Variants in TET3 observed in about 807,000 individuals in gnomAD.
TET3 encodes tet methylcytosine dioxygenase 3.
In TET3, 19 loss-of-function variants were observed where a neutral mutation model predicts 141.4. That is an observed-to-expected ratio of 0.13 (90% confidence interval 0.09 to 0.20). The LOEUF is 0.20. Ranked by LOEUF, TET3 falls within the 10% of genes least tolerant of loss-of-function variation. The probability of loss-of-function intolerance (pLI) is 1.00; values close to 1 mark genes in which losing one functional copy is unlikely to be tolerated. For missense variants in TET3, 1,874 were observed against 2,356.9 expected, an observed-to-expected ratio of 0.80 and a Z score of 4.24; for synonymous variants, 1,043 against 980.9, an observed-to-expected ratio of 1.06 and a Z score of -1.18.
chr2:74,071,413 C>T (rs1322124711), intron 4 of TET3, among the ~76,000 whole-genome samples: 1 of 152,186 alleles, frequency 6.6e-6, no homozygotes, highest in Non-Finnish European at 1.5e-5. Flanking sequence ...AAGATTTCGC[C>T]TAAGGATCAG....
chr2:74,131,400 T>C, the TET3 span, among the ~76,000 whole-genome samples: 1 of 152,168 alleles, frequency 6.6e-6, no homozygotes. Context: ...CCGCGGGTCA[T>C]TCACTCACCT....
At chr2:74,074,946 A>G (rs571134453) in intron 5 of TET3, among the ~76,000 whole-genome samples, 1 of 152,022 alleles carries the variant, frequency 6.6e-6, no homozygotes, top group South Asian at 2.1e-4. Flanking sequence ...ATCTCAGCTC[A>G]CTGCAAGCTC....
intron 4 of TET3, among the ~76,000 whole-genome samples, chr2:74,070,654 G>T (rs1174982978): frequency 2.6e-5 from 4 of 152,086 alleles, no homozygotes; most frequent in Admixed American, 6.6e-5. Flanking sequence ...CTGAATTATG[G>T]GTTGTGTCTT....
chr2:74,002,920 G>C, intron 2 of TET3, 190 bp from the exon 3 acceptor site: 1 of 611,036 alleles, frequency 1.6e-6, no homozygotes, highest in East Asian at 2.8e-5. Flanking sequence ...GAAGGCGGGG[G>C]AGCCTGTCTG....
chr2:74,083,078 C>A (rs542091650), intron 6 of TET3, among the ~76,000 whole-genome samples: 1 of 152,290 alleles, frequency 6.6e-6, no homozygotes, highest in East Asian at 1.9e-4. Flanking sequence ...CTTGACTGGC[C>A]AGGATTTGGG....
At chr2:74,034,477 A>G (rs1686919585) in intron 3 of TET3, among the ~76,000 whole-genome samples, 1 of 151,004 alleles carries the variant, frequency 6.6e-6, no homozygotes, top group South Asian at 2.1e-4. Context: ...TAAAGTCTTC[A>G]TTATATAAGT....
At chr2:74,002,036 C>T (rs1290165215) in intron 2 of TET3, among the ~76,000 whole-genome samples, 1 of 151,874 alleles carries the variant, frequency 6.6e-6, no homozygotes, top group Non-Finnish European at 1.5e-5. Context: ...GAGGTGTGGG[C>T]TCCGAGGAGC....
At chr2:73,995,843 C>G (rs570593943) in intron 2 of TET3, among the ~76,000 whole-genome samples, 1 of 152,312 alleles carries the variant, frequency 6.6e-6, no homozygotes, top group East Asian at 1.9e-4. Flanking sequence ...AGCCCCCACA[C>G]CCAAGGTAAG....
intron 2 of TET3, among the ~76,000 whole-genome samples, chr2:73,989,745 C>A (rs1014561503): frequency 5.3e-5 from 8 of 152,106 alleles, no homozygotes; most frequent in African/African-American, 1.9e-4. Context: ...TGTTTGATTT[C>A]ATATTCTTTT....
chr2:74,088,762 A>G (rs1690303594), intron 7 of TET3, among the ~76,000 whole-genome samples: 1 of 152,152 alleles, frequency 6.6e-6, no homozygotes, highest in Non-Finnish European at 1.5e-5. Context: ...GTTTACAGTC[A>G]CGTACCTACC....
chr2:74,124,288 G>C, the TET3 span, among the ~76,000 whole-genome samples: 1 of 149,414 alleles, frequency 6.7e-6, no homozygotes, highest in Non-Finnish European at 1.5e-5. Flanking sequence ...CGCCCAGCCA[G>C]CCACCCCGTC....
chr2:74,011,067 C>T (rs2105191242), intron 3 of TET3, among the ~76,000 whole-genome samples: 1 of 152,010 alleles, frequency 6.6e-6, no homozygotes, highest in East Asian at 1.9e-4. Context: ...GAAACCCCGT[C>T]TCTACTAAAA....
At chr2:74,073,076 G>C (rs781218021) in intron 4 of TET3, among the ~76,000 whole-genome samples, 1 of 152,182 alleles carries the variant, frequency 6.6e-6, no homozygotes, top group African/African-American at 2.4e-5. Context: ...GTATCTGTTT[G>C]AGCCTCTGTC....
rs190052025 is a variant in TET3 at position 74,064,046 on chromosome 2, T to C, written c.2495-9503T>C. 1.6e-4 allele frequency among the ~76,000 whole-genome samples: 24 copies of C among 152,334 alleles called. No homozygotes were observed. In the East Asian group the frequency reaches 4.4e-3, roughly 28 times the overall value. On this transcript the variant is annotated intron_variant, in intron 4 of 11. Coordinates refer to ENST00000409262, the MANE Select transcript of TET3 (RefSeq NM_001287491.2). ...TAATTTTCCCCTTAATTACCAATTG[T>C]CAGAATATAAGAGTTGGCTTAATAT...
the TET3 span, among the ~76,000 whole-genome samples, chr2:74,122,677 CTTTTTTTT>C: frequency 2.6e-4 from 11 of 42,388 alleles, no homozygotes; most frequent in Middle Eastern, 0.028. Flanking sequence ...CTACACCTAG[CTTTTTTTT>C]TTTTTTTTTT....
chr2:74,007,841 G>T (rs548304714), intron 3 of TET3, among the ~76,000 whole-genome samples: 13 of 152,308 alleles, frequency 8.5e-5, no homozygotes, highest in African/African-American at 2.6e-4. Context: ...GTTCCCAAAA[G>T]ATTGCAAAAC....
chr2:74,094,003 A>G (rs1690659507), intron 10 of TET3, among the ~76,000 whole-genome samples: 1 of 152,182 alleles, frequency 6.6e-6, no homozygotes, highest in African/African-American at 2.4e-5. Context: ...CCCTTGATTC[A>G]TTCTTTGGAC....
intron 3 of TET3, among the ~76,000 whole-genome samples, chr2:74,027,282 C>G (rs1686417519): frequency 6.6e-6 from 1 of 150,856 alleles, no homozygotes; most frequent in Non-Finnish European, 1.5e-5. Flanking sequence ...TGTGTGCTTT[C>G]TCGTTTTCTT....
At chr2:74,062,257 A>T (rs76795552) in intron 4 of TET3, among the ~76,000 whole-genome samples, 1 of 152,136 alleles carries the variant, frequency 6.6e-6, no homozygotes, top group Admixed American at 6.5e-5. Context: ...CGTCTCCACC[A>T]AAAAAAATCC....
Sources: allele counts gnomAD v4.1 joint callset (sites outside exome capture counted in the v4.1 genomes callset), GRCh38; gene constraint gnomAD v4.1.1; transcripts MANE v1.5; gene names NCBI Gene and HGNC (gene_info 2026-07-23, HGNC 2026-07-21).